Variants in NALCN observed in about 807,000 individuals in gnomAD.
NALCN encodes sodium leak channel NALCN.
A neutral mutation model predicts 225.3 loss-of-function variants in NALCN; 111 were observed. The ratio of observed to expected loss-of-function variants is 0.49; its 90% CI spans 0.42 to 0.58. NALCN has a LOEUF of 0.58. NALCN is among the 20% of genes least tolerant of loss of function. NALCN has a pLI of 0.00. For missense variants in NALCN, 1,378 were observed against 2,202.4 expected, an observed-to-expected ratio of 0.63 and a Z score of 7.49; for synonymous variants, 764 against 769.0, an observed-to-expected ratio of 0.99 and a Z score of 0.11.
intron 13 of NALCN, among the ~76,000 whole-genome samples, chr13:101,192,618 A>G (rs536765258): frequency 6.6e-6 from 1 of 152,288 alleles, no homozygotes; most frequent in East Asian, 1.9e-4. Flanking sequence ...TGATTTAAAA[A>G]AAGTTTCAAG....
intron 6 of NALCN, among the ~76,000 whole-genome samples, chr13:101,360,100 T>C (rs12560614): frequency 6.8e-6 from 1 of 146,124 alleles, no homozygotes; most frequent in African/African-American, 2.6e-5. Context: ...TTTCTTTTCT[T>C]TCTCTTTCTC....
intron 6 of NALCN, among the ~76,000 whole-genome samples, chr13:101,367,653 A>C (rs2046414529): frequency 6.6e-6 from 1 of 152,206 alleles, no homozygotes; most frequent in Non-Finnish European, 1.5e-5. Context: ...GTAGGATTGA[A>C]ACAAAACTAT....
intron 7 of NALCN, among the ~76,000 whole-genome samples, chr13:101,319,599 G>A (rs371304034): frequency 1.3e-5 from 2 of 151,966 alleles, no homozygotes; most frequent in South Asian, 4.2e-4. Flanking sequence ...TGGTACATAC[G>A]TTCCCATTTT....
At chr13:101,257,365 G>A (rs954750155) in intron 11 of NALCN, among the ~76,000 whole-genome samples, 2 of 151,994 alleles carry the variant, frequency 1.3e-5, no homozygotes, top group East Asian at 1.9e-4. Context: ...ATTCAGAAGC[G>A]ACTACTTAAA....
chr13:101,296,674 C>T (rs1006425656), intron 7 of NALCN, among the ~76,000 whole-genome samples: 5 of 152,146 alleles, frequency 3.3e-5, no homozygotes, highest in Admixed American at 6.5e-5. Context: ...GGGAATATAA[C>T]GCATTAATTT....
chr13:101,286,907 CACAG>C (rs1290555825), intron 9 of NALCN, among the ~76,000 whole-genome samples: 4 of 150,158 alleles, frequency 2.7e-5, no homozygotes, highest in East Asian at 4.0e-4. Context: ...ACCTGCATCC[CACAG>C]ACAAACATAG....
At chr13:101,277,218 T>C (rs1232607660) in intron 10 of NALCN, among the ~76,000 whole-genome samples, 1 of 152,110 alleles carries the variant, frequency 6.6e-6, no homozygotes, top group African/African-American at 2.4e-5. Flanking sequence ...TAATTACTTA[T>C]AGTAACTGGA....
chr13:101,111,003 C>T (rs761442998), intron 19 of NALCN, 122 bp downstream of exon 19: 7 of 938,370 alleles, frequency 7.5e-6, no homozygotes, highest in East Asian at 2.4e-5. Flanking sequence ...AAATAGAACG[C>T]GATTCCTCAG....
chr13:101,366,220 T>C (rs1339269544), intron 6 of NALCN, among the ~76,000 whole-genome samples: 2 of 152,180 alleles, frequency 1.3e-5, no homozygotes, highest in Non-Finnish European at 2.9e-5. Context: ...TCTCCATTCA[T>C]TAACAGAGAA....
chr13:101,346,033 A>G (rs1374308283), intron 6 of NALCN, among the ~76,000 whole-genome samples: 3 of 141,454 alleles, frequency 2.1e-5, no homozygotes, highest in African/African-American at 7.7e-5. Context: ...AATTGGTAAT[A>G]TATATATGAG....
intron 5 of NALCN, 43 bp downstream of exon 5, chr13:101,376,874 T>G: frequency 6.2e-7 from 1 of 1,612,848 alleles, no homozygotes. Flanking sequence ...TACAAAAAAC[T>G]TCATAAACTT....
chr13:101,244,562 A>G (rs1326820971), intron 11 of NALCN, among the ~76,000 whole-genome samples: 1 of 152,196 alleles, frequency 6.6e-6, no homozygotes, highest in Non-Finnish European at 1.5e-5. Flanking sequence ...TAATTTGTTA[A>G]CTTTTACAAG....
chr13:101,236,229 G>A (rs1181165567), intron 12 of NALCN, among the ~76,000 whole-genome samples: 1 of 152,154 alleles, frequency 6.6e-6, no homozygotes, highest in Non-Finnish European at 1.5e-5. Context: ...TCTCACACCA[G>A]TTAGAATGGC....
intron 2 of NALCN, among the ~76,000 whole-genome samples, chr13:101,397,113 T>TATATAC (rs2047328677): frequency 2.7e-5 from 3 of 112,940 alleles, no homozygotes; most frequent in South Asian, 2.9e-4. Flanking sequence ...TATATATACA[T>TATATAC]ACACATACAT....
chr13:101,191,696 T>C (rs1239798545), intron 14 of NALCN, among the ~76,000 whole-genome samples: 1 of 152,196 alleles, frequency 6.6e-6, no homozygotes, highest in East Asian at 1.9e-4. Flanking sequence ...TTTTCCCTCT[T>C]ACAAACACTG....
At position 101,312,853 on chromosome 13, in the gene NALCN, A is replaced by G. The variant is rs183650737; in HGVS notation, c.800-20487T>C. 8.4e-3 allele frequency among the ~76,000 whole-genome samples: 1,279 copies of G among 152,284 alleles called. 15 individuals are homozygous for G. The highest frequency in any genetic ancestry group is 0.03 in the African/African-American group (1,226 of 41,554). The stretch of plus-strand genomic sequence containing the variant: ...CTACTTTAAAGTTCATATGGAACCA[A>G]AAAAGAGCCCGCATCACCAAGTCAA... On this transcript the variant is annotated intron_variant, in intron 7 of 43. Transcript: ENST00000251127.
intron 6 of NALCN, among the ~76,000 whole-genome samples, chr13:101,372,314 A>G (rs527854177): frequency 6.6e-6 from 1 of 152,346 alleles, no homozygotes; most frequent in African/African-American, 2.4e-5. Flanking sequence ...CAAGAAGGAT[A>G]GAAATACCCA....
intron 9 of NALCN, among the ~76,000 whole-genome samples, chr13:101,288,991 T>C (rs1316122273): frequency 6.6e-6 from 1 of 152,226 alleles, no homozygotes; most frequent in Non-Finnish European, 1.5e-5. Context: ...GTTAGTGAGA[T>C]ACGGTACTCA....
At chr13:101,332,673 A>C (rs1023556150) in intron 7 of NALCN, among the ~76,000 whole-genome samples, 1 of 152,230 alleles carries the variant, frequency 6.6e-6, no homozygotes, top group Non-Finnish European at 1.5e-5. Context: ...TATTTAACAA[A>C]AGCAAAAATA....
Sources: allele counts gnomAD v4.1 joint callset (sites outside exome capture counted in the v4.1 genomes callset), GRCh38; gene constraint gnomAD v4.1.1; transcripts MANE v1.5; gene names NCBI Gene and HGNC (gene_info 2026-07-23, HGNC 2026-07-21).